CEP192: variants seen among roughly 807,000 people sequenced by gnomAD.
The protein encoded by CEP192 is centrosomal protein 192.
Under a neutral mutation model 271.8 loss-of-function variants are expected in CEP192, and 151 were observed. The observed-to-expected ratio is 0.56, with a 90% CI of 0.49 to 0.64. The LOEUF is 0.64. Among genes scored for constraint, CEP192 ranks in the 30% least tolerant of loss-of-function variants. The probability of loss-of-function intolerance (pLI) is 0.00; values close to 1 mark genes in which losing one functional copy is unlikely to be tolerated. For synonymous variants in CEP192, 995 were observed against 1,076.5 expected, an observed-to-expected ratio of 0.92 and a Z score of 1.48; for missense variants, 2,910 against 3,020.5, an observed-to-expected ratio of 0.96 and a Z score of 0.86.
Position 13,087,102 on chromosome 18 carries a change from A to G in CEP192, c.5702A>G (p.Asn1901Ser). ...KLSDSYMVTVNGLVPGKESKI... is the reference protein window; with the variant it reads ...KLSDSYMVTVSGLVPGKESKI... Reference sequence around the variant, plus strand: ...TCTGACAGTTACATGGTAACAGTGAATGGCTTAGTACCTGGCAAAGAAAGT... The same window carrying G: ...TCTGACAGTTACATGGTAACAGTGAGTGGCTTAGTACCTGGCAAAGAAAGT... Residue 1901 changes from asparagine to serine, a missense_variant, in exon 31 of 45, where the codon AAT becomes AGT. Asn to Ser is a conservative substitution (Grantham distance 46). Transcript: ENST00000506447. 1 of 1,613,750 alleles carries G rather than the reference A, an allele frequency of 6.2e-7. No homozygotes were observed. Among genetic ancestry groups the G allele is most frequent in the African/African-American group, 1.3e-5 (1 of 75,048 alleles).
intron 3 of CEP192, among the ~76,000 whole-genome samples, chr18:13,007,312 T>A (rs1008087368): frequency 5.9e-5 from 9 of 152,070 alleles, no homozygotes; most frequent in Non-Finnish European, 7.4e-5. Flanking sequence ...AGTTTGAAAA[T>A]TTTTTTTGAG....
At chr18:13,104,057 A>C in intron 39 of CEP192, 1 of 317,200 alleles carries the variant, frequency 3.2e-6, no homozygotes, top group Non-Finnish European at 6.2e-6. Flanking sequence ...ATATATGCCT[A>C]GTCTTTTTCA....
chr18:13,084,531 C>T (rs569448304), intron 30 of CEP192, among the ~76,000 whole-genome samples: 1 of 152,208 alleles, frequency 6.6e-6, no homozygotes, highest in Non-Finnish European at 1.5e-5. Flanking sequence ...CAGTCTGTCA[C>T]AGCTTCCCTT....
chr18:13,023,906 G>A (rs531003803), intron 9 of CEP192, among the ~76,000 whole-genome samples: 21 of 152,206 alleles, frequency 1.4e-4, no homozygotes, highest in Admixed American at 1.0e-3. Context: ...TATCAGATAG[G>A]GGCCTACTCA....
intron 26 of CEP192, 89 bp downstream of exon 26, chr18:13,069,270 G>T (rs2037882249): frequency 3.7e-6 from 4 of 1,075,100 alleles, no homozygotes; most frequent in Non-Finnish European, 4.3e-6. Flanking sequence ...GCTCTTCCTG[G>T]CCCAACAGAG....
chr18:13,076,856 T>C (rs1348429944), intron 30 of CEP192, among the ~76,000 whole-genome samples: 3 of 152,100 alleles, frequency 2.0e-5, no homozygotes, highest in Admixed American at 6.6e-5. Flanking sequence ...TGATCTCGGC[T>C]CACTGCAACT....
intron 20 of CEP192, 146 bp from the exon 21 acceptor site, chr18:13,058,936 G>A (rs1232410157): frequency 1.6e-6 from 1 of 626,712 alleles, no homozygotes; most frequent in Non-Finnish European, 2.8e-6. Flanking sequence ...GACCATAAAT[G>A]ACAAGGTTTT....
Position 12,994,966 on chromosome 18 carries a change from A to C in CEP192, c.-5+3529A>C, listed in dbSNP as rs191305015. ...ATTCTTCTGAGATGCCTGGCCATGA[A>C]GGGAAGGTGAGAAGGTGGTGGCAGG... On this transcript the variant is annotated intron_variant, in intron 1 of 44. Coordinates refer to ENST00000506447, the MANE Select transcript of CEP192 (RefSeq NM_032142.4). Among the ~76,000 whole-genome samples, 5 of 152,120 alleles carry C rather than the reference A, an allele frequency of 3.3e-5. No individual in the cohort carries two copies. In the East Asian group the frequency reaches 9.7e-4, roughly 29 times the overall value.
intron 1 of CEP192, among the ~76,000 whole-genome samples, chr18:12,994,955 C>G (rs577180778): frequency 6.6e-6 from 1 of 151,880 alleles, no homozygotes; most frequent in South Asian, 2.1e-4. Flanking sequence ...TTCTGAGATG[C>G]CTGGCCATGA....
rs1237971631 is a variant in CEP192, at chr18:13,017,183, A to G, written c.641-5A>G. 6.5e-7 allele frequency: 1 copy of G among 1,532,318 alleles called. No individual in the cohort carries two copies. Among genetic ancestry groups the G allele is most frequent in the South Asian group, 1.2e-5 (1 of 80,280 alleles). The allele number at this position is 1,532,318 out of a possible 1,614,324, so 94.9% of individuals were successfully genotyped here. On this transcript the variant is annotated splice_region_variant and splice_polypyrimidine_tract_variant and intron_variant, in intron 6 of 44. Coordinates refer to ENST00000506447, the MANE Select transcript of CEP192 (RefSeq NM_032142.4). ...TGTCCTGTTTTTTCTCGATTTTATC[A>G]ATAGATGATGATATTGATGATGAAA...
intron 9 of CEP192, among the ~76,000 whole-genome samples, chr18:13,020,110 T>G (rs1315990103): frequency 1.3e-5 from 2 of 152,132 alleles, no homozygotes; most frequent in Non-Finnish European, 2.9e-5. Flanking sequence ...CACACCCAGC[T>G]ACTATCTTAA....
At position 13,019,215 on chromosome 18, in the gene CEP192, T is replaced by C. The variant is rs775771818; in HGVS notation, c.1050+9T>C. ...TTCCAGATCTTAACAGTGTAAGTTATGCATTTTTCTTAGATTTCCTATAAA... is the reference window on the plus strand; with the variant it reads ...TTCCAGATCTTAACAGTGTAAGTTACGCATTTTTCTTAGATTTCCTATAAA... On this transcript the variant is annotated intron_variant, in intron 9 of 44. Transcript: ENST00000506447. The C allele has an allele frequency of 2.1e-5, 31 of 1,479,814 alleles. No individual in the cohort carries two copies. Among genetic ancestry groups the C allele is most frequent in the South Asian group, 6.9e-5 (5 of 72,126 alleles). 91.7% of individuals were successfully genotyped at this position (1,479,814 alleles called of 1,614,324 possible).
chr18:13,029,632 C>G (rs1323788431), intron 9 of CEP192, 31 bp from the exon 10 acceptor site: 10 of 1,321,846 alleles, frequency 7.6e-6, no homozygotes, highest in South Asian at 1.6e-5. Context: ...TACTGTTGCT[C>G]TGTTAAAAAA....
intron 5 of CEP192, 21 bp from the exon 6 acceptor site, chr18:13,015,307 T>G (rs1568281671): frequency 6.5e-7 from 1 of 1,547,752 alleles, no homozygotes; most frequent in Admixed American, 2.0e-5. Flanking sequence ...CTTCTCTTAC[T>G]TGCCATTTTG....
chr18:13,051,548 ATTT>A (rs994862861), intron 17 of CEP192, among the ~76,000 whole-genome samples: 17 of 151,916 alleles, frequency 1.1e-4, no homozygotes, highest in African/African-American at 3.9e-4. Flanking sequence ...CTTTTTATTT[ATTT>A]TTTATTTTTT....
chr18:12,992,144 G>A (rs2032899117), intron 1 of CEP192, among the ~76,000 whole-genome samples: 2 of 152,114 alleles, frequency 1.3e-5, no homozygotes, highest in South Asian at 4.1e-4. Context: ...GAGAACAGCT[G>A]TTTATATGAC....
At chr18:13,067,575 C>T (rs2037778274) in intron 21 of CEP192, among the ~76,000 whole-genome samples, 1 of 152,170 alleles carries the variant, frequency 6.6e-6, no homozygotes, top group Admixed American at 6.5e-5. Context: ...ATCAGTTCAT[C>T]TTAAGATACA....
intron 38 of CEP192, among the ~76,000 whole-genome samples, chr18:13,100,833 G>A (rs1214139644): frequency 6.6e-6 from 1 of 152,210 alleles, no homozygotes; most frequent in African/African-American, 2.4e-5. Context: ...ACAGTGGGTG[G>A]AGCCTGGCTT....
chr18:13,082,614 C>T (rs1457831924), intron 30 of CEP192, among the ~76,000 whole-genome samples: 4 of 151,700 alleles, frequency 2.6e-5, no homozygotes, highest in African/African-American at 9.7e-5. Flanking sequence ...GCATTTAGTC[C>T]ATTTACATTT....
Sources: gnomAD v4.1 joint callset for allele counts (sites outside exome capture counted in the v4.1 genomes callset) on GRCh38, gnomAD v4.1.1 for gene constraint, MANE v1.5 for transcripts, NCBI Gene and HGNC (gene_info 2026-07-23, HGNC 2026-07-21) for gene names.